PTPRD: variants seen among roughly 807,000 people sequenced by gnomAD.
PTPRD encodes protein tyrosine phosphatase receptor type D, also known as receptor-type tyrosine-protein phosphatase delta.
A neutral mutation model predicts 214.5 loss-of-function variants in PTPRD; 34 were observed. The observed-to-expected ratio is 0.16, with a 90% CI of 0.12 to 0.21. The LOEUF is 0.21. PTPRD is among the 10% of genes least tolerant of loss of function. PTPRD has a pLI of 1.00. For synonymous variants in PTPRD, 1,128 were observed against 845.7 expected (o/e 1.33, Z -5.79); for missense variants, 2,545 against 2,398.7 (o/e 1.06, Z -1.27).
At chr9:10,210,631 C>G (rs912761368) in intron 3 of PTPRD, among the ~76,000 whole-genome samples, 7 of 150,024 alleles carry the variant, frequency 4.7e-5, no homozygotes, top group Non-Finnish European at 1.0e-4. Flanking sequence ...AACATGTAAT[C>G]TGTATATATA....
At chr9:10,270,931 A>G (rs907651861) in intron 3 of PTPRD, among the ~76,000 whole-genome samples, 1 of 152,046 alleles carries the variant, frequency 6.6e-6, no homozygotes, top group African/African-American at 2.4e-5. Context: ...CCTGAGCTCA[A>G]GTGATTCTCC....
intron 10 of PTPRD, among the ~76,000 whole-genome samples, chr9:9,152,252 G>T (rs140811593): frequency 6.6e-6 from 1 of 152,266 alleles, no homozygotes; most frequent in East Asian, 1.9e-4. Flanking sequence ...CATCTGATTT[G>T]AATGCACATG....
intron 12 of PTPRD, among the ~76,000 whole-genome samples, chr9:8,694,753 A>G (rs527981047): frequency 6.6e-6 from 1 of 152,204 alleles, no homozygotes; most frequent in Non-Finnish European, 1.5e-5. Context: ...GGTGTTGGCA[A>G]ATCTGTATAC....
chr9:10,089,391 T>C (rs2098402761), intron 3 of PTPRD, among the ~76,000 whole-genome samples: 1 of 151,628 alleles, frequency 6.6e-6, no homozygotes, highest in South Asian at 2.1e-4. Flanking sequence ...TTGCCTTCTT[T>C]TTGTTTTAAA....
intron 2 of PTPRD, among the ~76,000 whole-genome samples, chr9:10,410,665 T>C (rs906096414): frequency 1.3e-5 from 2 of 151,774 alleles, no homozygotes; most frequent in African/African-American, 4.8e-5. Context: ...GAACAGTCAT[T>C]GTTAATCTAA....
chr9:10,412,228 G>A (rs1171467055), intron 2 of PTPRD, among the ~76,000 whole-genome samples: 1 of 151,678 alleles, frequency 6.6e-6, no homozygotes, highest in Non-Finnish European at 1.5e-5. Context: ...ATGAAAAAAG[G>A]AATGTTACCA....
intron 10 of PTPRD, among the ~76,000 whole-genome samples, chr9:9,150,356 T>C (rs904147706): frequency 1.3e-5 from 2 of 150,794 alleles, no homozygotes; most frequent in African/African-American, 2.4e-5. Flanking sequence ...TAGTGATAAA[T>C]AGTATAAGCA....
chr9:10,173,458 T>C (rs1257175155), intron 3 of PTPRD, among the ~76,000 whole-genome samples: 2 of 152,166 alleles, frequency 1.3e-5, no homozygotes, highest in African/African-American at 2.4e-5. Context: ...GATTATCACA[T>C]ACTGTTATGA....
chr9:8,567,813 T>C (rs2089860870), intron 14 of PTPRD, among the ~76,000 whole-genome samples: 1 of 152,182 alleles, frequency 6.6e-6, no homozygotes, highest in African/African-American at 2.4e-5. Flanking sequence ...ATGACCAAGC[T>C]AGGTTCTATA....
At chr9:8,769,339 A>C (rs1168915128) in intron 11 of PTPRD, among the ~76,000 whole-genome samples, 1 of 152,244 alleles carries the variant, frequency 6.6e-6, no homozygotes, top group Non-Finnish European at 1.5e-5. Flanking sequence ...TGAGAACTAA[A>C]TGAAAATTGC....
chr9:9,301,775 A>G (rs1224956543), intron 9 of PTPRD, among the ~76,000 whole-genome samples: 1 of 151,874 alleles, frequency 6.6e-6, no homozygotes, highest in Non-Finnish European at 1.5e-5. Flanking sequence ...CAAAGAAAGG[A>G]ATTGCTGTAA....
chr9:10,169,439 A>C (rs1054483909), intron 3 of PTPRD, among the ~76,000 whole-genome samples: 1 of 137,708 alleles, frequency 7.3e-6, no homozygotes, highest in Non-Finnish European at 1.5e-5. Context: ...GCGCCACTGC[A>C]CTCCAGCCTG....
At chr9:9,107,212 A>G (rs1213275555) in intron 10 of PTPRD, among the ~76,000 whole-genome samples, 1 of 152,198 alleles carries the variant, frequency 6.6e-6, no homozygotes, top group East Asian at 1.9e-4. Flanking sequence ...GCCAAAAGCC[A>G]GACTTTGAAA....
chr9:8,427,627 C>T (rs924002217), intron 35 of PTPRD, among the ~76,000 whole-genome samples: 5 of 152,068 alleles, frequency 3.3e-5, no homozygotes, highest in African/African-American at 4.8e-5. Context: ...CTGGTTTAAA[C>T]TAGCAAGTTT....
chr9:9,027,740 G>T (rs1405682160), intron 10 of PTPRD, among the ~76,000 whole-genome samples: 1 of 151,854 alleles, frequency 6.6e-6, no homozygotes, highest in Non-Finnish European at 1.5e-5. Flanking sequence ...GGTGTTTAGT[G>T]ATGGTGAAGT....
chr9:9,355,883 G>A (rs2053568107), intron 9 of PTPRD, among the ~76,000 whole-genome samples: 1 of 151,546 alleles, frequency 6.6e-6, no homozygotes, highest in South Asian at 2.1e-4. Context: ...CAGAAGAAAA[G>A]CCAAAGTGTG....
At chr9:9,958,407 T>G (rs1268952175) in intron 4 of PTPRD, among the ~76,000 whole-genome samples, 1 of 152,118 alleles carries the variant, frequency 6.6e-6, no homozygotes, top group Non-Finnish European at 1.5e-5. Context: ...GGCACGCACC[T>G]GTAATACCAG....
At chr9:8,522,254 G>T (rs2097906048) in intron 19 of PTPRD, among the ~76,000 whole-genome samples, 1 of 152,176 alleles carries the variant, frequency 6.6e-6, no homozygotes, top group Non-Finnish European at 1.5e-5. Context: ...CCGTGCTAAG[G>T]ATATTGAAAG....
chr9:9,110,262 C>T (rs575769133), intron 10 of PTPRD, among the ~76,000 whole-genome samples: 8 of 152,136 alleles, frequency 5.3e-5, no homozygotes, highest in South Asian at 2.1e-4. Flanking sequence ...CCCCAGCACA[C>T]GTCTTTAGGT....
Sources: allele counts gnomAD v4.1 joint callset (sites outside exome capture counted in the v4.1 genomes callset), GRCh38; gene constraint gnomAD v4.1.1; transcripts MANE v1.5; gene names NCBI Gene and HGNC (gene_info 2026-07-23, HGNC 2026-07-21).